Variants in CNTNAP4 observed in about 807,000 individuals in gnomAD.
The protein encoded by CNTNAP4 is contactin associated protein family member 4.
In CNTNAP4, 98 loss-of-function variants were observed where a neutral mutation model predicts 148.4. The ratio of observed to expected loss-of-function variants is 0.66; its 90% CI spans 0.56 to 0.78. The LOEUF is 0.78. Ranked by LOEUF, CNTNAP4 falls within the 30% of genes least tolerant of loss-of-function variation. The pLI is 0.00. For synonymous variants in CNTNAP4, 730 were observed against 565.1 expected (o/e 1.29, Z -4.14); for missense variants, 1,935 against 1,565.6 (o/e 1.24, Z -3.98).
intron 2 of CNTNAP4, among the ~76,000 whole-genome samples, chr16:76,326,915 G>C (rs181713063): frequency 3.3e-5 from 5 of 151,848 alleles, no homozygotes; most frequent in Admixed American, 2.0e-4. Flanking sequence ...AAACCTGCAC[G>C]TTGTGCACAT....
chr16:76,516,186 TGTG>T (rs2083246267), intron 15 of CNTNAP4, among the ~76,000 whole-genome samples: 1 of 144,066 alleles, frequency 6.9e-6, no homozygotes, highest in African/African-American at 2.6e-5. Flanking sequence ...AGTGATAACA[TGTG>T]GTGTTTGGTT....
intron 3 of CNTNAP4, among the ~76,000 whole-genome samples, chr16:76,411,414 A>G (rs1211496154): frequency 6.6e-6 from 1 of 151,380 alleles, no homozygotes; most frequent in Non-Finnish European, 1.5e-5. Context: ...AAATTTTATA[A>G]TGTCTGTAGT....
chr16:76,475,075 C>T (rs1597664416), intron 10 of CNTNAP4, among the ~76,000 whole-genome samples: 1 of 151,958 alleles, frequency 6.6e-6, no homozygotes, highest in East Asian at 1.9e-4. Flanking sequence ...CAGGAGAATA[C>T]AGGAGGCAGA....
intron 3 of CNTNAP4, among the ~76,000 whole-genome samples, chr16:76,412,912 A>G (rs2078847994): frequency 6.6e-6 from 1 of 151,470 alleles, no homozygotes; most frequent in Non-Finnish European, 1.5e-5. Context: ...TTTGCCTTTC[A>G]CATTTATGTC....
chr16:76,537,237 T>A (rs1218279960), intron 18 of CNTNAP4, among the ~76,000 whole-genome samples: 1 of 151,960 alleles, frequency 6.6e-6, no homozygotes, highest in Non-Finnish European at 1.5e-5. Flanking sequence ...GAATATAAAA[T>A]GCGTGTTATA....
intron 3 of CNTNAP4, among the ~76,000 whole-genome samples, chr16:76,394,764 A>G (rs1336102643): frequency 6.6e-6 from 1 of 152,216 alleles, no homozygotes; most frequent in African/African-American, 2.4e-5. Context: ...AGGCAATGTC[A>G]GTAAATGAAC....
At chr16:76,399,251 T>C (rs1158998759) in intron 3 of CNTNAP4, among the ~76,000 whole-genome samples, 1 of 152,172 alleles carries the variant, frequency 6.6e-6, no homozygotes, top group African/African-American at 2.4e-5. Context: ...TAGTCTTGGA[T>C]AATTCACTTC....
At chr16:76,498,129 A>G (rs2082468528) in intron 14 of CNTNAP4, among the ~76,000 whole-genome samples, 1 of 152,174 alleles carries the variant, frequency 6.6e-6, no homozygotes, top group Non-Finnish European at 1.5e-5. Context: ...AGTGGCTCAC[A>G]CCTGTAATCC....
chr16:76,425,355 T>G (rs1221599423), intron 3 of CNTNAP4, among the ~76,000 whole-genome samples: 2 of 152,160 alleles, frequency 1.3e-5, no homozygotes, highest in Non-Finnish European at 2.9e-5. Context: ...CGTTGAACTT[T>G]TGTTTTGTTT....
At chr16:76,286,937 A>C (rs1958912936) in intron 1 of CNTNAP4, among the ~76,000 whole-genome samples, 1 of 152,224 alleles carries the variant, frequency 6.6e-6, no homozygotes, top group African/African-American at 2.4e-5. Context: ...AATTCTATGC[A>C]AGGTTGTAAA....
intron 3 of CNTNAP4, among the ~76,000 whole-genome samples, chr16:76,390,780 A>G (rs147065886): frequency 6.6e-6 from 1 of 152,076 alleles, no homozygotes; most frequent in Non-Finnish European, 1.5e-5. Flanking sequence ...TGAATCTTTC[A>G]AGCACTTCTG....
At chr16:76,481,020 G>A (rs372452995) in intron 12 of CNTNAP4, among the ~76,000 whole-genome samples, 56 of 152,300 alleles carry the variant, frequency 3.7e-4, no homozygotes, top group African/African-American at 9.1e-4. Flanking sequence ...ACGTAAAGCC[G>A]TATATAGCTG....
chr16:76,552,024 A>G (rs896766694), intron 21 of CNTNAP4, among the ~76,000 whole-genome samples: 3 of 152,220 alleles, frequency 2.0e-5, no homozygotes, highest in Non-Finnish European at 4.4e-5. Context: ...ACAGTTCCAC[A>G]TGGCTGGGAG....
intron 14 of CNTNAP4, 121 bp downstream of exon 14, chr16:76,495,187 TTTGTTTTA>T: frequency 9.2e-7 from 1 of 1,082,906 alleles, no homozygotes; most frequent in South Asian, 1.6e-5. Context: ...TAAATAAAGG[TTTGTTTTA>T]ATGAAACGTG....
chr16:76,497,593 A>G (rs7195102), intron 14 of CNTNAP4, among the ~76,000 whole-genome samples: 126,783 of 151,290 alleles, frequency 0.84, 54,016 homozygotes, highest in East Asian at 0.97. Context: ...AATAACACAG[A>G]AACAGAAAAC....
At chr16:76,478,937 T>G (rs937963447) in intron 11 of CNTNAP4, among the ~76,000 whole-genome samples, 9 of 152,164 alleles carry the variant, frequency 5.9e-5, no homozygotes, top group Admixed American at 4.6e-4. Context: ...AATATAGTTG[T>G]AACATGATTT....
intron 4 of CNTNAP4, among the ~76,000 whole-genome samples, chr16:76,442,852 C>T (rs2080097726): frequency 6.6e-6 from 1 of 152,148 alleles, no homozygotes; most frequent in Non-Finnish European, 1.5e-5. Context: ...AGACAAACCA[C>T]ATCCATACCA....
At chr16:76,503,041 A>G (rs547632613) in intron 15 of CNTNAP4, among the ~76,000 whole-genome samples, 2 of 152,206 alleles carry the variant, frequency 1.3e-5, no homozygotes, top group African/African-American at 4.8e-5. Context: ...TTTCAATTTC[A>G]TTTTACTGCT....
At chr16:76,535,885 A>G in intron 18 of CNTNAP4, 101 bp downstream of exon 18, 1 of 1,312,260 alleles carries the variant, frequency 7.6e-7, no homozygotes, top group South Asian at 1.5e-5. Flanking sequence ...AAAAAAATTC[A>G]ATTTCTGAAT....
Sources: gnomAD v4.1 joint callset for allele counts (sites outside exome capture counted in the v4.1 genomes callset) on GRCh38, gnomAD v4.1.1 for gene constraint, MANE v1.5 for transcripts, NCBI Gene and HGNC (gene_info 2026-07-23, HGNC 2026-07-21) for gene names.